Variants in ATP11C observed in about 807,000 individuals in gnomAD.
The protein encoded by ATP11C is ATPase phospholipid transporting 11C (ATP11C blood group), also known as phospholipid-transporting ATPase IG.
Under a neutral mutation model 97.4 loss-of-function variants are expected in ATP11C, and 36 were observed. The observed-to-expected ratio is 0.37, with a 90% confidence interval of 0.28 to 0.49. The LOEUF (loss-of-function observed/expected upper bound fraction) is 0.49, where lower values mean the gene tolerates loss of function less well. Ranked by LOEUF, ATP11C falls within the 20% of genes least tolerant of loss-of-function variation. The pLI is 0.98. For missense variants in ATP11C, 730 were observed against 824.6 expected, an observed-to-expected ratio of 0.89 and a Z score of 1.40; for synonymous variants, 275 against 290.9, an observed-to-expected ratio of 0.95 and a Z score of 0.56.
intron 12 of ATP11C, among the ~76,000 whole-genome samples, chrX:139,795,159 T>C (rs1237447750): frequency 6.6e-4 from 74 of 111,754 alleles, no homozygotes; most frequent in Non-Finnish European, 1.1e-4. Context: ...GGGAACAATA[T>C]CCAAAGGAAA....
chrX:139,814,785 C>T, intron 5 of ATP11C, 93 bp downstream of exon 5: 1 of 492,107 alleles, frequency 2.0e-6, no homozygotes, highest in Non-Finnish European at 3.2e-6. Context: ...TTAACGGTTG[C>T]ACAACATTAT....
intron 1 of ATP11C, among the ~76,000 whole-genome samples, chrX:139,926,796 G>C (rs1279728579): frequency 8.9e-6 from 1 of 112,334 alleles, no homozygotes; most frequent in East Asian, 2.8e-4. Flanking sequence ...GTCACTAAAA[G>C]GTAGATCAGG....
At chrX:139,787,340 C>T (rs2082595789) in intron 14 of ATP11C, 96 bp from the exon 15 acceptor site, 2 of 718,904 alleles carry the variant, frequency 2.8e-6, no homozygotes. Context: ...CTCTGTTGCC[C>T]AGGCTGGAGT....
chrX:139,922,235 T>C (rs1347297262), intron 1 of ATP11C, among the ~76,000 whole-genome samples: 1 of 50,479 alleles, frequency 2.0e-5, no homozygotes, highest in Non-Finnish European at 3.0e-5. Context: ...TATATATATA[T>C]ATATATATAT....
intron 26 of ATP11C, among the ~76,000 whole-genome samples, chrX:139,742,872 AAAAAATATATATATATAT>A (rs1211477288): frequency 1.4e-3 from 35 of 24,218 alleles, no homozygotes; most frequent in East Asian, 5.3e-3. Context: ...ATTAAAAAAA[AAAAAATATATATATATAT>A]ATATATATAT....
chrX:139,915,352 CAT>C (rs1397475414), intron 1 of ATP11C, among the ~76,000 whole-genome samples: 1 of 111,673 alleles, frequency 9.0e-6, no homozygotes, highest in African/African-American at 3.3e-5. Context: ...TTGAAAAACA[CAT>C]AGACAAAAAG....
At chrX:139,928,692 TATG>T (rs1273086588) in intron 1 of ATP11C, among the ~76,000 whole-genome samples, 1 of 111,892 alleles carries the variant, frequency 8.9e-6, no homozygotes, top group African/African-American at 3.2e-5. Context: ...TGTGTGATAT[TATG>T]ATTATATGCT....
In ATP11C at chrX:139,738,382, C is replaced by G. The variant is rs1302081261; in HGVS notation, c.3135-313G>C. On this transcript the variant is annotated intron_variant, in intron 27 of 29. Transcript: ENST00000682941. ...AAAATGCTGGTGCTTAAAAGATATT[C>G]AAGAGAAATGGTTCATTTTTATCCT... Among the ~76,000 whole-genome samples the G allele has an allele frequency of 2.7e-5, 3 of 111,971 alleles. No individual in the cohort carries two copies. In the Admixed American group the frequency reaches 2.8e-4, roughly 11 times the overall value.
intron 1 of ATP11C, among the ~76,000 whole-genome samples, chrX:139,852,765 C>G (rs2084019452): frequency 9.1e-6 from 1 of 110,124 alleles, no homozygotes; most frequent in African/African-American, 3.3e-5. Flanking sequence ...TTTATACCAG[C>G]ACACCAACAC....
intron 1 of ATP11C, among the ~76,000 whole-genome samples, chrX:139,850,567 G>A (rs1188098501): frequency 1.8e-5 from 2 of 111,591 alleles, no homozygotes; most frequent in Non-Finnish European, 3.8e-5. Flanking sequence ...ACCATATACA[G>A]TAGGAGTTGA....
intron 19 of ATP11C, among the ~76,000 whole-genome samples, chrX:139,772,458 C>T (rs1422607895): frequency 9.0e-6 from 1 of 111,386 alleles, no homozygotes; most frequent in African/African-American, 3.3e-5. Flanking sequence ...ATCCTCCAGA[C>T]CCCAGAATGG....
chrX:139,797,132 C>A (rs2082818472), intron 11 of ATP11C, 44 bp downstream of exon 11: 1 of 1,164,376 alleles, frequency 8.6e-7, no homozygotes, highest in East Asian at 3.0e-5. Flanking sequence ...AAGGTTGGCT[C>A]AGTCACAAAA....
chrX:139,762,175 T>C, intron 21 of ATP11C, 69 bp from the exon 22 acceptor site: 1 of 871,653 alleles, frequency 1.1e-6, no homozygotes, highest in Non-Finnish European at 1.6e-6. Flanking sequence ...ATCTTCACAG[T>C]TTCAACTTGG....
intron 1 of ATP11C, among the ~76,000 whole-genome samples, chrX:139,840,971 T>G (rs903123037): frequency 9.0e-6 from 1 of 111,452 alleles, no homozygotes; most frequent in Non-Finnish European, 1.9e-5. Flanking sequence ...AAGAACTTAC[T>G]CATGTAACCA....
chrX:139,849,007 C>A (rs1214791283), intron 1 of ATP11C, among the ~76,000 whole-genome samples: 1 of 111,896 alleles, frequency 8.9e-6, no homozygotes, highest in Admixed American at 9.5e-5. Flanking sequence ...TCTCCACTTA[C>A]CCTAAATGCT....
At chrX:139,842,853 C>A (rs765473709) in intron 1 of ATP11C, among the ~76,000 whole-genome samples, 5 of 112,003 alleles carry the variant, frequency 4.5e-5, no homozygotes, top group African/African-American at 1.6e-4. Flanking sequence ...CAGTTGTATA[C>A]TGTGCTTGGT....
chrX:139,802,311 G>C lies in ATP11C; in HGVS notation c.584C>G (p.Ala195Gly). 1 of 1,203,477 alleles carries C rather than the reference G, an allele frequency of 8.3e-7. No individual in the cohort carries two copies. ...ATCGATGGATTCTGCTGTACACAGT[G>C]CAATGGTATCACGTACTGCATAATG... is the stretch of plus-strand genomic sequence containing the variant. The part of the protein sequence containing the change: ...KTHYAVRDTI[A>G]LCTAESIDTL... Residue 195 changes from alanine (A) to glycine (G), a missense_variant, in exon 7 of 30, where the codon GCA (alanine) becomes GGA (glycine). By Grantham distance (60) the Ala-to-Gly change is moderately conservative. Coordinates refer to ENST00000682941, the MANE Select transcript of ATP11C (RefSeq NM_001353812.2).
chrX:139,728,895 C>CT lies in ATP11C; in HGVS notation c.*70dup. ...TTTTGTAGTTGTTTCTTCATGCTTT[C>CT]TTTTTTAGCTGTAACCACTGTCAGT... On this transcript the variant is annotated 3_prime_UTR_variant, in exon 30 of 30. Coordinates refer to ENST00000682941, the MANE Select transcript of ATP11C (RefSeq NM_001353812.2). 1 of 1,197,370 alleles carries CT rather than the reference C, an allele frequency of 8.4e-7. No individual in the cohort carries two copies. The highest frequency in any genetic ancestry group is 1.1e-6 in the Non-Finnish European group (1 of 885,370).
At chrX:139,770,892 T>A (rs1224096816) in intron 19 of ATP11C, among the ~76,000 whole-genome samples, 2 of 111,700 alleles carry the variant, frequency 1.8e-5, no homozygotes, top group African/African-American at 6.5e-5. Context: ...CTACCCCCAA[T>A]GTGATTGTAT....
Sources: gnomAD v4.1 joint callset for allele counts (sites outside exome capture counted in the v4.1 genomes callset) on GRCh38, gnomAD v4.1.1 for gene constraint, MANE v1.5 for transcripts, NCBI Gene and HGNC (gene_info 2026-07-23, HGNC 2026-07-21) for gene names.